The following RBFOX1 variants were observed in gnomAD, a reference collection of about 807,000 sequenced individuals.
RBFOX1 encodes the protein RNA binding fox-1 homolog 1.
In RBFOX1, 8 loss-of-function variants were observed where a neutral mutation model predicts 57.7. The ratio of observed to expected loss-of-function variants is 0.14; its 90% CI spans 0.08 to 0.25. RBFOX1 has a LOEUF of 0.25. RBFOX1 is among the 10% of genes least tolerant of loss of function. The pLI is 1.00. For missense variants in RBFOX1, 611 were observed against 548.5 expected (o/e 1.11, Z -1.14); for synonymous variants, 326 against 222.4 (o/e 1.47, Z -4.15).
intron 3 of RBFOX1, among the ~76,000 whole-genome samples, chr16:5,680,046 GT>G (rs1178676899): frequency 2.0e-5 from 3 of 152,204 alleles, no homozygotes; most frequent in Non-Finnish European, 2.9e-5. Context: ...GGAAATGGCT[GT>G]TAGAGTTGGG....
At chr16:7,032,607 GTTT>G (rs2043106921) in intron 3 of RBFOX1, among the ~76,000 whole-genome samples, 1 of 132,998 alleles carries the variant, frequency 7.5e-6, no homozygotes, top group Non-Finnish European at 1.7e-5. Context: ...TTGTTTGTTT[GTTT>G]TGCTAGACGA....
At chr16:5,348,302 A>G (rs933748620) in intron 1 of RBFOX1, among the ~76,000 whole-genome samples, 1 of 152,210 alleles carries the variant, frequency 6.6e-6, no homozygotes, top group African/African-American at 2.4e-5. Flanking sequence ...TGTTTATTGA[A>G]TACATAGTGA....
chr16:5,607,848 A>G (rs1211711895), intron 3 of RBFOX1, among the ~76,000 whole-genome samples: 3 of 152,152 alleles, frequency 2.0e-5, no homozygotes, highest in South Asian at 2.1e-4. Context: ...CACCTATGCT[A>G]CTGTATGTAC....
intron 2 of RBFOX1, among the ~76,000 whole-genome samples, chr16:5,514,686 A>C (rs1027184916): frequency 6.6e-6 from 1 of 152,080 alleles, no homozygotes; most frequent in African/African-American, 2.4e-5. Context: ...TGAAATGACA[A>C]TGATGTCCAC....
At chr16:6,752,043 A>G (rs372635871) in intron 3 of RBFOX1, among the ~76,000 whole-genome samples, 85 of 152,214 alleles carry the variant, frequency 5.6e-4, no homozygotes, top group Middle Eastern at 3.4e-3. Context: ...ACTGCTTTCA[A>G]CTTCAGAAAG....
chr16:5,478,451 C>T (rs1176393080), intron 2 of RBFOX1, among the ~76,000 whole-genome samples: 1 of 152,050 alleles, frequency 6.6e-6, no homozygotes, highest in African/African-American at 2.4e-5. Flanking sequence ...ATCTAAAGCT[C>T]TAGACAGTGA....
At chr16:5,682,722 G>A (rs538919019) in intron 3 of RBFOX1, among the ~76,000 whole-genome samples, 1 of 152,348 alleles carries the variant, frequency 6.6e-6, no homozygotes. Context: ...ACAACACTAT[G>A]TTGAAAGAGA....
chr16:6,276,194 C>G lies in RBFOX1; in HGVS notation c.-126-40801C>G, dbSNP rs191600577. ...ACGGATGACTCAAAGTGGAAGGGAA[C>G]AAGTGATTTTGTTACAGTCGTCAGA... On this transcript the variant is annotated intron_variant, in intron 1 of 15. Coordinates refer to ENST00000550418, the MANE Select transcript of RBFOX1 (RefSeq NM_018723.4). Among the ~76,000 whole-genome samples the G allele has an allele frequency of 4.6e-5, 7 of 152,276 alleles. No homozygotes were observed. In the East Asian group the frequency reaches 5.8e-4, roughly 13 times the overall value.
chr16:7,394,611 A>G (rs554854658), intron 4 of RBFOX1, among the ~76,000 whole-genome samples: 4 of 152,020 alleles, frequency 2.6e-5, no homozygotes, highest in African/African-American at 9.7e-5. Context: ...TGTACCTCCA[A>G]CGGGTGCCAC....
intron 3 of RBFOX1, among the ~76,000 whole-genome samples, chr16:5,814,828 C>G (rs925757970): frequency 1.3e-5 from 2 of 152,116 alleles, no homozygotes; most frequent in South Asian, 2.1e-4. Flanking sequence ...ACTCGGGAGG[C>G]TGAGGCAGGA....
intron 4 of RBFOX1, among the ~76,000 whole-genome samples, chr16:7,265,020 C>G (rs1041151103): frequency 6.6e-6 from 1 of 152,236 alleles, no homozygotes; most frequent in Non-Finnish European, 1.5e-5. Flanking sequence ...AGGCTCTGGA[C>G]TTCAAAGCAG....
chr16:5,913,009 G>A (rs955808713), intron 4 of RBFOX1, among the ~76,000 whole-genome samples: 1 of 152,166 alleles, frequency 6.6e-6, no homozygotes, highest in Admixed American at 6.5e-5. Context: ...CTTAGGGTCA[G>A]AAGACCCAAG....
At chr16:5,493,105 A>T (rs1328157690) in intron 2 of RBFOX1, among the ~76,000 whole-genome samples, 1 of 152,268 alleles carries the variant, frequency 6.6e-6, no homozygotes. Flanking sequence ...AAGATGTGGC[A>T]GAGACTGTAT....
chr16:5,437,839 T>C (rs1487251463), intron 1 of RBFOX1, among the ~76,000 whole-genome samples: 1 of 152,172 alleles, frequency 6.6e-6, no homozygotes, highest in East Asian at 1.9e-4. Flanking sequence ...ATATTAAAAA[T>C]ATGAAAAGAA....
chr16:7,388,093 A>G (rs2097914977), intron 4 of RBFOX1, among the ~76,000 whole-genome samples: 1 of 151,948 alleles, frequency 6.6e-6, no homozygotes, highest in African/African-American at 2.4e-5. Context: ...TTTGCCTTTG[A>G]TCAAGATCAT....
chr16:5,539,600 C>CA lies in RBFOX1; in HGVS notation c.259-59294dup, dbSNP rs201859318. Among the ~76,000 whole-genome samples, 317 of 151,538 alleles carry CA rather than the reference C, an allele frequency of 2.1e-3. 2 individuals are homozygous for CA. The highest frequency in any genetic ancestry group is 2.7e-3 in the East Asian group (14 of 5,156). On this transcript the variant is annotated intron_variant, in intron 2 of 2. Transcript: ENST00000585867. ...TGGGCAATAGAGCGAGACTCTCTCT[C>CA]AAAAAAAATCCCAAAAAACAAAACA...
chr16:6,950,109 G>A (rs1170352385), intron 3 of RBFOX1, among the ~76,000 whole-genome samples: 1 of 136,438 alleles, frequency 7.3e-6, no homozygotes, highest in Non-Finnish European at 1.6e-5. Context: ...ACTACGCAGA[G>A]GTAATTTTTT....
At chr16:7,406,405 C>G (rs1016248895) in intron 4 of RBFOX1, among the ~76,000 whole-genome samples, 1 of 152,154 alleles carries the variant, frequency 6.6e-6, no homozygotes, top group African/African-American at 2.4e-5. Context: ...CTGGCTACTA[C>G]GTATGGGAGC....
intron 10 of RBFOX1, among the ~76,000 whole-genome samples, chr16:7,618,369 G>A (rs117074236): frequency 2.2e-4 from 33 of 152,238 alleles, no homozygotes; most frequent in South Asian, 1.0e-3. Flanking sequence ...GTGGTGCTGG[G>A]AGACTTAGGA....
Sources: allele counts gnomAD v4.1 joint callset (sites outside exome capture counted in the v4.1 genomes callset), GRCh38; gene constraint gnomAD v4.1.1; transcripts MANE v1.5; gene names NCBI Gene and HGNC (gene_info 2026-07-23, HGNC 2026-07-21).